Variants in DCT observed in about 807,000 individuals in gnomAD.
DCT encodes the protein dopachrome tautomerase, also known as L-dopachrome tautomerase.
In DCT, 47 loss-of-function variants were observed where a neutral mutation model predicts 53.0. The ratio of observed to expected loss-of-function variants is 0.89; its 90% confidence interval spans 0.70 to 1.13. The LOEUF is 1.13. DCT is among the 50% of genes most tolerant of loss of function. The pLI is 0.00. For synonymous variants in DCT, 244 were observed against 237.0 expected (o/e 1.03, Z -0.27); for missense variants, 669 against 637.4 (o/e 1.05, Z -0.53).
intron 6 of DCT, among the ~76,000 whole-genome samples, chr13:94,448,228 G>C (rs113915111): frequency 0.014 from 2,158 of 152,234 alleles, 49 homozygotes; most frequent in African/African-American, 0.048. Flanking sequence ...CTGAGTGACA[G>C]AGCGAGATAC....
At chr13:94,474,704 C>A (rs1884966250) in intron 1 of DCT, among the ~76,000 whole-genome samples, 1 of 152,186 alleles carries the variant, frequency 6.6e-6, no homozygotes, top group Non-Finnish European at 1.5e-5. Context: ...CAATTCAGCT[C>A]TTCCTGACAA....
the DCT span, among the ~76,000 whole-genome samples, chr13:94,539,346 A>T: frequency 6.6e-6 from 1 of 152,240 alleles, no homozygotes; most frequent in Admixed American, 6.5e-5. Context: ...CTTGAAAGGT[A>T]AGTAGGAATT....
At chr13:94,516,653 G>T in the DCT span, among the ~76,000 whole-genome samples, 1 of 152,014 alleles carries the variant, frequency 6.6e-6, no homozygotes, top group African/African-American at 2.4e-5. Context: ...ATGAATGAAT[G>T]GATTCATGGG....
upstream of DCT, among the ~76,000 whole-genome samples, chr13:94,484,622 C>G (rs9561563): frequency 6.6e-6 from 1 of 152,304 alleles, no homozygotes; most frequent in East Asian, 1.9e-4. Flanking sequence ...TCTGTCAAGG[C>G]CTCTGTCCTC....
Position 94,479,329 on chromosome 13 carries a change from A to T in DCT, c.-74T>A. ...TGTCGTACTTTTCTCCTTATCTTCT[A>T]CTCTTTCAGTCTTTTCTTTTCAGTA... On this transcript the variant is annotated 5_prime_UTR_variant, in exon 1 of 8. Coordinates refer to ENST00000377028, the MANE Select transcript of DCT (RefSeq NM_001922.5). 2.4e-6 allele frequency: 3 copies of T among 1,248,844 alleles called. No individual in the cohort carries two copies. The highest frequency in any genetic ancestry group is 2.6e-5 in the East Asian group (1 of 38,500). The allele number at this position is 1,248,844 out of a possible 1,614,324, so 77.4% of individuals were successfully genotyped here.
the DCT span, among the ~76,000 whole-genome samples, chr13:94,500,039 TG>T: frequency 1.3e-5 from 2 of 152,204 alleles, no homozygotes; most frequent in African/African-American, 4.8e-5. Flanking sequence ...ATCTATTCTT[TG>T]GGCAAATTTC....
the DCT span, among the ~76,000 whole-genome samples, chr13:94,524,846 C>T: frequency 6.6e-6 from 1 of 152,168 alleles, no homozygotes; most frequent in East Asian, 1.9e-4. Flanking sequence ...GATGAGGTCA[C>T]AAGGGCGGGC....
chr13:94,497,478 T>C, the DCT span, among the ~76,000 whole-genome samples: 1 of 152,232 alleles, frequency 6.6e-6, no homozygotes, highest in Admixed American at 6.5e-5. Flanking sequence ...ACTTAACTAC[T>C]AATAACCTAC....
the DCT span, among the ~76,000 whole-genome samples, chr13:94,508,792 A>T: frequency 6.6e-6 from 1 of 152,234 alleles, no homozygotes; most frequent in Admixed American, 6.5e-5. Context: ...AGATAGTCCA[A>T]TTACAGGAGA....
the DCT span, among the ~76,000 whole-genome samples, chr13:94,533,841 C>T: frequency 1.9e-3 from 285 of 152,206 alleles, 2 homozygotes; most frequent in African/African-American, 6.6e-3. Context: ...TAGAATTGGC[C>T]AGTAGGTCAT....
At chr13:94,444,291 C>T (rs775639464) in intron 6 of DCT, 7 of 393,138 alleles carry the variant, frequency 1.8e-5, no homozygotes, top group Non-Finnish European at 3.6e-5. Flanking sequence ...CTTCTGGTCC[C>T]AAGCATTTCA....
chr13:94,449,297 G>A (rs1481359635), intron 6 of DCT, among the ~76,000 whole-genome samples: 1 of 152,166 alleles, frequency 6.6e-6, no homozygotes, highest in African/African-American at 2.4e-5. Flanking sequence ...TACTATCAAA[G>A]GGCCTTAGCT....
the DCT span, among the ~76,000 whole-genome samples, chr13:94,509,037 A>G: frequency 6.6e-6 from 1 of 152,172 alleles, no homozygotes; most frequent in Admixed American, 6.5e-5. Flanking sequence ...CCCTACTGAG[A>G]GAGGTCAGTT....
At chr13:94,543,508 G>C in the DCT span, among the ~76,000 whole-genome samples, 4 of 152,278 alleles carry the variant, frequency 2.6e-5, no homozygotes, top group Non-Finnish European at 5.9e-5. Flanking sequence ...CACCCTGACA[G>C]AACAGTTCCT....
intron 3 of DCT, among the ~76,000 whole-genome samples, 169 bp from the exon 4 acceptor site, chr13:94,465,968 T>TTTTATA (rs1486447194): frequency 1.3e-5 from 1 of 77,830 alleles, no homozygotes; most frequent in Non-Finnish European, 2.2e-5. Context: ...TGTGTATATT[T>TTTTATA]TATATATATA....
the DCT span, among the ~76,000 whole-genome samples, chr13:94,547,416 C>T: frequency 2.0e-5 from 3 of 151,980 alleles, no homozygotes; most frequent in Non-Finnish European, 4.4e-5. Flanking sequence ...CGTGCCTGAC[C>T]CTGCTCTAAA....
At position 94,442,205 on chromosome 13, in the gene DCT, C is replaced by T. The variant is rs541623900; in HGVS notation, c.1381+1231G>A. Among the ~76,000 whole-genome samples, 25 of 152,286 alleles carry T rather than the reference C, an allele frequency of 1.6e-4. No individual in the cohort carries two copies. In the South Asian group the frequency reaches 1.9e-3, roughly 11 times the overall value. On this transcript the variant is annotated intron_variant, in intron 7 of 7. Coordinates refer to ENST00000377028, the MANE Select transcript of DCT (RefSeq NM_001922.5). ...TCAGGTCAAAGAGAGAGAGACTGAG[C>T]TCTGAAATCATCTTGATTGCTTTCT...
intron 3 of DCT, 96 bp downstream of exon 3, chr13:94,466,462 C>T: frequency 1.5e-6 from 1 of 675,570 alleles, no homozygotes; most frequent in Non-Finnish European, 2.4e-6. Flanking sequence ...GTATGAGTAT[C>T]AAGATAAGTA....
At chr13:94,476,860 G>A (rs574517249) in intron 1 of DCT, among the ~76,000 whole-genome samples, 4 of 152,218 alleles carry the variant, frequency 2.6e-5, no homozygotes, top group East Asian at 1.9e-4. Context: ...TTTCAATCAC[G>A]CTAACCACAC....
Sources: allele counts gnomAD v4.1 joint callset (sites outside exome capture counted in the v4.1 genomes callset), GRCh38; gene constraint gnomAD v4.1.1; transcripts MANE v1.5; gene names NCBI Gene and HGNC (gene_info 2026-07-23, HGNC 2026-07-21).